BAZ2B: variants seen among roughly 807,000 people sequenced by gnomAD.
The protein encoded by BAZ2B is bromodomain adjacent to zinc finger domain 2B.
Under a neutral mutation model 246.0 loss-of-function variants are expected in BAZ2B, and 91 were observed. The observed-to-expected ratio is 0.37, with a 90% CI of 0.31 to 0.44. The LOEUF (loss-of-function observed/expected upper bound fraction) is 0.44. Ranked by LOEUF, BAZ2B falls within the 20% of genes least tolerant of loss-of-function variation. BAZ2B has a pLI of 1.00. For synonymous variants in BAZ2B, 855 were observed against 860.0 expected, an observed-to-expected ratio of 0.99 and a Z score of 0.10; for missense variants, 2,332 against 2,533.7, an observed-to-expected ratio of 0.92 and a Z score of 1.71.
At chr2:159,581,042 G>A (rs1200738192) in intron 1 of BAZ2B, among the ~76,000 whole-genome samples, 3 of 152,218 alleles carry the variant, frequency 2.0e-5, no homozygotes, top group Non-Finnish European at 4.4e-5. Context: ...AAAAGCAATG[G>A]CAACAAAAGC....
chr2:159,645,124 TAGCC>T, the BAZ2B span, among the ~76,000 whole-genome samples: 14 of 151,942 alleles, frequency 9.2e-5, no homozygotes, highest in Non-Finnish European at 1.8e-4. Flanking sequence ...ACAATAAAAT[TAGCC>T]AGGCATGGTG....
chr2:159,466,265 CTTGA>C (rs2077032393), intron 3 of BAZ2B, among the ~76,000 whole-genome samples: 1 of 152,202 alleles, frequency 6.6e-6, no homozygotes, highest in East Asian at 1.9e-4. Flanking sequence ...TGCATAGTCA[CTTGA>C]TTATTACCAG....
intron 1 of BAZ2B, among the ~76,000 whole-genome samples, chr2:159,613,281 T>C (rs1410771263): frequency 6.6e-6 from 1 of 151,666 alleles, no homozygotes; most frequent in African/African-American, 2.4e-5. Flanking sequence ...TCATTAGTGT[T>C]TGTAAGAGTA....
At chr2:159,317,154 T>C (rs893745226), downstream of BAZ2B, among the ~76,000 whole-genome samples, 1 of 152,208 alleles carries the variant, frequency 6.6e-6, no homozygotes, top group African/African-American at 2.4e-5. Flanking sequence ...AGCTCATAAA[T>C]TAAAAGTACA....
intron 2 of BAZ2B, chr2:159,516,390 T>C (rs897186358): frequency 6.6e-6 from 1 of 152,206 alleles, no homozygotes; most frequent in Non-Finnish European, 1.5e-5. Flanking sequence ...CATGAAAGAA[T>C]ACCTACTATT....
chr2:159,475,261 T>C (rs961612857), intron 3 of BAZ2B, among the ~76,000 whole-genome samples: 2 of 152,184 alleles, frequency 1.3e-5, no homozygotes, highest in African/African-American at 2.4e-5. Context: ...CCTTTCATTG[T>C]TTTTTCTCTA....
chr2:159,316,925 C>T (rs1456827246), downstream of BAZ2B, among the ~76,000 whole-genome samples: 2 of 151,720 alleles, frequency 1.3e-5, no homozygotes, highest in East Asian at 3.9e-4. Context: ...CACTTGAACC[C>T]GTGAGGCGGA....
At chr2:159,594,715 T>G (rs1242088935) in intron 1 of BAZ2B, among the ~76,000 whole-genome samples, 1 of 152,018 alleles carries the variant, frequency 6.6e-6, no homozygotes, top group Non-Finnish European at 1.5e-5. Context: ...TGCTGCAGCC[T>G]CCGCCTCACA....
intron 24 of BAZ2B, among the ~76,000 whole-genome samples, chr2:159,383,190 C>T (rs1206371497): frequency 6.6e-6 from 1 of 152,018 alleles, no homozygotes; most frequent in African/African-American, 2.4e-5. Context: ...TATTTTCTGG[C>T]AGGAAGATAA....
chr2:159,328,295 G>C (rs1264181687), intron 34 of BAZ2B, among the ~76,000 whole-genome samples: 1 of 152,042 alleles, frequency 6.6e-6, no homozygotes, highest in African/African-American at 2.4e-5. Context: ...CTTGGCTAGA[G>C]TACAAATTCA....
chr2:159,322,661 A>G (rs2062858625), intron 36 of BAZ2B, among the ~76,000 whole-genome samples: 1 of 152,204 alleles, frequency 6.6e-6, no homozygotes, highest in Non-Finnish European at 1.5e-5. Flanking sequence ...AAAAAAGTAT[A>G]CAACTCATAT....
At chr2:159,661,822 G>A in the BAZ2B span, among the ~76,000 whole-genome samples, 1 of 151,330 alleles carries the variant, frequency 6.6e-6, no homozygotes, top group South Asian at 2.1e-4. Flanking sequence ...TATTACTAAG[G>A]TTGGTCTCGA....
chr2:159,330,015 G>A (rs1034533372), intron 34 of BAZ2B, among the ~76,000 whole-genome samples: 1 of 152,120 alleles, frequency 6.6e-6, no homozygotes, highest in African/African-American at 2.4e-5. Context: ...ATGTACATCA[G>A]TGAAGACTGC....
rs1439986477 is a variant in BAZ2B at position 159,337,741 on chromosome 2, C to A, written c.5486G>T (p.Arg1829Met). ...ATGTTCAAAATATACCAAGTCCTCC[C>A]TTTCTGATGCAGGCTCTGGACACAT... ...GWMCPEPASE[R>M]EDLVYFEHKS... The change falls in exon 32 of 37, where the codon AGG becomes ATG. Residue 1829 changes from arginine to methionine, a missense_variant. This residue lies in a region of BAZ2B where 676 missense variants were observed against 668.6 expected (regional missense o/e 1.01). Coordinates refer to ENST00000392783, the MANE Select transcript of BAZ2B (RefSeq NM_013450.4). 1 of 1,613,988 alleles carries A rather than the reference C, an allele frequency of 6.2e-7. No individual in the cohort carries two copies. The highest frequency in any genetic ancestry group is 1.3e-5 in the African/African-American group (1 of 74,906).
the BAZ2B span, among the ~76,000 whole-genome samples, chr2:159,711,049 C>T: frequency 6.6e-6 from 1 of 152,080 alleles, no homozygotes; most frequent in Non-Finnish European, 1.5e-5. Context: ...TTATTAACCC[C>T]GTTTTACAGG....
At chr2:159,393,785 T>C (rs1171035872) in intron 20 of BAZ2B, among the ~76,000 whole-genome samples, 1 of 152,176 alleles carries the variant, frequency 6.6e-6, no homozygotes, top group African/African-American at 2.4e-5. Context: ...GATGGATTCT[T>C]AGAATATCTC....
chr2:159,685,064 G>A, the BAZ2B span, among the ~76,000 whole-genome samples: 2 of 151,870 alleles, frequency 1.3e-5, no homozygotes. Context: ...GCCTTTTTAT[G>A]TATGCATATT....
intron 1 of BAZ2B, among the ~76,000 whole-genome samples, chr2:159,579,237 C>T (rs553936340): frequency 6.6e-6 from 1 of 151,916 alleles, no homozygotes; most frequent in South Asian, 2.1e-4. Context: ...AAATGACAAA[C>T]GGGGTATCAC....
intron 1 of BAZ2B, among the ~76,000 whole-genome samples, chr2:159,589,027 T>C (rs1456230425): frequency 6.6e-6 from 1 of 152,156 alleles, no homozygotes; most frequent in Non-Finnish European, 1.5e-5. Flanking sequence ...AACAAACTAA[T>C]TTCTTCAAAA....
Sources: allele counts gnomAD v4.1 joint callset (sites outside exome capture counted in the v4.1 genomes callset), GRCh38; gene constraint gnomAD v4.1.1; regional missense constraint gnomAD v4.1.1; transcripts MANE v1.5; gene names NCBI Gene and HGNC (gene_info 2026-07-23, HGNC 2026-07-21).